ALDH1A2: variants seen among roughly 807,000 people sequenced by gnomAD.
ALDH1A2 encodes aldehyde dehydrogenase 1 family member A2.
Under a neutral mutation model 60.3 loss-of-function variants are expected in ALDH1A2, and 27 were observed. That is an observed-to-expected ratio of 0.45 (90% confidence interval 0.33 to 0.62). The LOEUF (loss-of-function observed/expected upper bound fraction) is 0.62, where lower values mean the gene tolerates loss of function less well. Ranked by LOEUF, ALDH1A2 falls within the 20% of genes least tolerant of loss-of-function variation. The pLI, the probability that ALDH1A2 is intolerant of heterozygous loss-of-function variation, is 0.02. For missense variants in ALDH1A2, 581 were observed against 643.8 expected, an observed-to-expected ratio of 0.90 and a Z score of 1.06; for synonymous variants, 289 against 232.4, an observed-to-expected ratio of 1.24 and a Z score of -2.21.
At position 57,955,189 on chromosome 15, in the gene ALDH1A2, T is replaced by C. The variant is rs1893477087; in HGVS notation, c.*8A>G. On this transcript the variant is annotated 3_prime_UTR_variant, in exon 13 of 13. Transcript: ENST00000249750. The stretch of plus-strand genomic sequence containing the variant: ...GCAGGCTGGGCTTCATCCTCCTTCT[T>C]GGCCTTCTTAGGAGTTCTTCTGGGG... The C allele has an allele frequency of 6.2e-7, 1 of 1,613,996 alleles. No individual in the cohort carries two copies. Among genetic ancestry groups the C allele is most frequent in the Admixed American group, 1.7e-5 (1 of 60,030 alleles).
At chr15:57,992,666 C>A in intron 7 of ALDH1A2, 39 bp downstream of exon 7, 1 of 1,586,046 alleles carries the variant, frequency 6.3e-7, no homozygotes, top group Non-Finnish European at 8.7e-7. Context: ...AACTCATTTG[C>A]AAGACTGTTC....
At chr15:58,056,281 C>T (rs548599130) in intron 1 of ALDH1A2, among the ~76,000 whole-genome samples, 1 of 152,122 alleles carries the variant, frequency 6.6e-6, no homozygotes, top group South Asian at 2.1e-4. Context: ...CCTATTTTCC[C>T]ATTATAGAGA....
chr15:58,007,059 G>T (rs1048570380), intron 4 of ALDH1A2, among the ~76,000 whole-genome samples: 1 of 151,752 alleles, frequency 6.6e-6, no homozygotes, highest in Non-Finnish European at 1.5e-5. Context: ...CTTCATTCAG[G>T]CATCAGTTAT....
chr15:57,974,384 G>C (rs1399360735), intron 7 of ALDH1A2, among the ~76,000 whole-genome samples: 1 of 140,802 alleles, frequency 7.1e-6, no homozygotes, highest in African/African-American at 2.7e-5. Context: ...AGTGAGCCAA[G>C]ATCGCGCCAC....
intron 1 of ALDH1A2, among the ~76,000 whole-genome samples, chr15:58,022,178 C>G (rs1215684586): frequency 6.6e-6 from 1 of 152,132 alleles, no homozygotes; most frequent in Non-Finnish European, 1.5e-5. Flanking sequence ...TGAACAAAAG[C>G]CCATCTGGCC....
At chr15:58,027,414 G>A (rs1216414689) in intron 1 of ALDH1A2, among the ~76,000 whole-genome samples, 1 of 152,190 alleles carries the variant, frequency 6.6e-6, no homozygotes, top group African/African-American at 2.4e-5. Flanking sequence ...ACCAAAGGTA[G>A]ATAAAACCAC....
chr15:57,964,190 G>A (rs1893821915), intron 8 of ALDH1A2, 121 bp from the exon 9 acceptor site: 1 of 1,021,732 alleles, frequency 9.8e-7, no homozygotes, highest in Non-Finnish European at 1.5e-6. Context: ...ACATAACCAT[G>A]AATAGCCCTG....
chr15:58,022,348 G>A (rs1895950700), intron 1 of ALDH1A2, among the ~76,000 whole-genome samples: 1 of 152,134 alleles, frequency 6.6e-6, no homozygotes, highest in African/African-American at 2.4e-5. Flanking sequence ...CTACCTGCAA[G>A]TGCAACCTCG....
intron 1 of ALDH1A2, among the ~76,000 whole-genome samples, chr15:58,061,595 C>CA (rs879500544): frequency 0.023 from 1,008 of 43,212 alleles, 31 homozygotes; most frequent in South Asian, 0.11. Flanking sequence ...CTCCTTCCCT[C>CA]AAAAAAAAAA....
intron 3 of ALDH1A2, among the ~76,000 whole-genome samples, chr15:58,013,371 C>A (rs892854934): frequency 6.6e-6 from 1 of 152,036 alleles, no homozygotes; most frequent in Admixed American, 6.6e-5. Flanking sequence ...AAGGTACTTA[C>A]CAGTCATGGC....
At chr15:58,054,327 C>A (rs142351789) in intron 1 of ALDH1A2, among the ~76,000 whole-genome samples, 31 of 152,232 alleles carry the variant, frequency 2.0e-4, no homozygotes, top group East Asian at 1.9e-4. Flanking sequence ...CTGGAGATTG[C>A]AAGATCTGGC....
intron 12 of ALDH1A2, among the ~76,000 whole-genome samples, chr15:57,957,519 A>G (rs1483394314): frequency 6.6e-6 from 1 of 152,198 alleles, no homozygotes; most frequent in Admixed American, 6.5e-5. Flanking sequence ...CTCCAGCTAA[A>G]TTTTGTGGCA....
At chr15:57,973,487 A>C (rs922124436) in intron 7 of ALDH1A2, among the ~76,000 whole-genome samples, 2 of 152,206 alleles carry the variant, frequency 1.3e-5, no homozygotes, top group African/African-American at 4.8e-5. Flanking sequence ...TCCATATTTA[A>C]GTGACATGTT....
intron 7 of ALDH1A2, among the ~76,000 whole-genome samples, chr15:57,966,584 G>A (rs1469821405): frequency 1.3e-5 from 2 of 152,214 alleles, no homozygotes; most frequent in Non-Finnish European, 2.9e-5. Context: ...ACCTCCTTCA[G>A]GGTCCACCTC....
At chr15:57,955,700 C>T (rs145282921) in intron 12 of ALDH1A2, among the ~76,000 whole-genome samples, 4 of 150,842 alleles carry the variant, frequency 2.7e-5, no homozygotes, top group African/African-American at 4.9e-5. Context: ...CCTCTCTCCA[C>T]AAGGCAGCAC....
intron 7 of ALDH1A2, among the ~76,000 whole-genome samples, chr15:57,966,677 T>C (rs567982473): frequency 6.6e-6 from 1 of 152,152 alleles, no homozygotes; most frequent in Non-Finnish European, 1.5e-5. Context: ...AGGGTTTGTA[T>C]AAAGGTCCTA....
chr15:58,035,581 T>A (rs753062568), intron 1 of ALDH1A2, among the ~76,000 whole-genome samples: 6 of 151,730 alleles, frequency 4.0e-5, no homozygotes, highest in Non-Finnish European at 8.9e-5. Flanking sequence ...TAAATACTGC[T>A]TTAGCAGCAT....
intron 1 of ALDH1A2, among the ~76,000 whole-genome samples, chr15:58,035,439 A>G (rs1448955388): frequency 7.0e-6 from 1 of 143,278 alleles, no homozygotes; most frequent in Non-Finnish European, 1.6e-5. Flanking sequence ...TTTTCAATTT[A>G]ATCGATCTGT....
intron 1 of ALDH1A2, among the ~76,000 whole-genome samples, chr15:58,043,658 G>C: frequency 6.6e-6 from 1 of 151,856 alleles, no homozygotes; most frequent in Non-Finnish European, 1.5e-5. Context: ...GTGGAAAAGA[G>C]TCCTACAACA....
Sources: gnomAD v4.1 joint callset for allele counts (sites outside exome capture counted in the v4.1 genomes callset) on GRCh38, gnomAD v4.1.1 for gene constraint, MANE v1.5 for transcripts, NCBI Gene and HGNC (gene_info 2026-07-23, HGNC 2026-07-21) for gene names.